Variants in EPHA5 observed in about 807,000 individuals in gnomAD.
EPHA5 encodes ephrin type-A receptor 5.
In EPHA5, 60 loss-of-function variants were observed where a neutral mutation model predicts 105.0. That is an observed-to-expected ratio of 0.57 (90% CI 0.46 to 0.71). The LOEUF (loss-of-function observed/expected upper bound fraction) is 0.71, where lower values mean the gene tolerates loss of function less well. Among genes scored for constraint, EPHA5 ranks in the 30% least tolerant of loss-of-function variants. The pLI, the probability that EPHA5 is intolerant of heterozygous loss-of-function variation, is 0.00. For missense variants in EPHA5, 1,218 were observed against 1,274.7 expected (o/e 0.96, Z 0.68); for synonymous variants, 513 against 449.1 (o/e 1.14, Z -1.80).
chr4:65,408,654 C>A (rs1022578831), intron 7 of EPHA5, among the ~76,000 whole-genome samples: 2 of 152,018 alleles, frequency 1.3e-5, no homozygotes, highest in African/African-American at 4.8e-5. Context: ...CATCTCACAG[C>A]AGTTAGAATG....
intron 3 of EPHA5, among the ~76,000 whole-genome samples, chr4:65,503,163 G>A (rs1732661466): frequency 1.3e-5 from 2 of 151,638 alleles, no homozygotes; most frequent in Non-Finnish European, 3.0e-5. Context: ...GCTAACTGTT[G>A]GGTACTATGT....
intron 5 of EPHA5, among the ~76,000 whole-genome samples, chr4:65,463,541 C>A (rs2149135902): frequency 6.6e-6 from 1 of 152,090 alleles, no homozygotes; most frequent in East Asian, 1.9e-4. Context: ...CCAAAGATAT[C>A]AACAAAGTAA....
intron 5 of EPHA5, among the ~76,000 whole-genome samples, chr4:65,437,637 T>C (rs985781794): frequency 8.6e-5 from 13 of 151,938 alleles, no homozygotes; most frequent in Non-Finnish European, 1.9e-4. Flanking sequence ...AGGATTTTAA[T>C]CATGTTGTTT....
At chr4:65,447,244 G>C (rs748909317) in intron 5 of EPHA5, among the ~76,000 whole-genome samples, 57 of 151,746 alleles carry the variant, frequency 3.8e-4, no homozygotes, top group African/African-American at 4.8e-5. Flanking sequence ...TTAGAATATG[G>C]CAATAGTTTC....
At chr4:65,567,262 T>C (rs1177237028) in intron 3 of EPHA5, among the ~76,000 whole-genome samples, 4 of 151,770 alleles carry the variant, frequency 2.6e-5, no homozygotes, top group African/African-American at 7.2e-5. Context: ...AAAAATGAAC[T>C]TCTTAGTAAA....
At chr4:65,577,715 T>A (rs1242488312) in intron 3 of EPHA5, among the ~76,000 whole-genome samples, 1 of 152,168 alleles carries the variant, frequency 6.6e-6, no homozygotes, top group Non-Finnish European at 1.5e-5. Flanking sequence ...TATTAATGCA[T>A]GCAGAAATGC....
chr4:65,457,632 A>G (rs1011356260), intron 5 of EPHA5, among the ~76,000 whole-genome samples: 1 of 151,800 alleles, frequency 6.6e-6, no homozygotes, highest in Non-Finnish European at 1.5e-5. Flanking sequence ...ATTTCTATAC[A>G]TATTATCTTT....
chr4:65,404,363 T>C lies in EPHA5; in HGVS notation c.1793+11A>G, dbSNP rs1722147950. On this transcript the variant is annotated intron_variant, in intron 8 of 16. Coordinates refer to ENST00000613740, the MANE Select transcript of EPHA5 (RefSeq NM_001281766.3). ...GCTGCAGAACTTCAGAATCACAGCTTCCTCTCTTACCTTCCACTGAGGAGG... is the reference window on the plus strand; with the variant it reads ...GCTGCAGAACTTCAGAATCACAGCTCCCTCTCTTACCTTCCACTGAGGAGG... The C allele has an allele frequency of 6.2e-7, 1 of 1,609,514 alleles. No homozygotes were observed. The highest frequency in any genetic ancestry group is 8.5e-7 in the Non-Finnish European group (1 of 1,176,322).
chr4:65,662,759 T>C (rs1749660899), intron 1 of EPHA5, among the ~76,000 whole-genome samples: 1 of 152,058 alleles, frequency 6.6e-6, no homozygotes, highest in African/African-American at 2.4e-5. Flanking sequence ...TTGAAAACAA[T>C]ACTCAAAACT....
chr4:65,610,785 G>A (rs1744692979), intron 2 of EPHA5, among the ~76,000 whole-genome samples: 1 of 152,062 alleles, frequency 6.6e-6, no homozygotes, highest in African/African-American at 2.4e-5. Flanking sequence ...TGAGTGCCAT[G>A]AGTTATAATT....
intron 11 of EPHA5, among the ~76,000 whole-genome samples, chr4:65,353,631 A>G (rs1005626453): frequency 2.0e-5 from 3 of 151,740 alleles, no homozygotes; most frequent in Non-Finnish European, 2.9e-5. Context: ...TAATGATATA[A>G]TGTATCCAAT....
At chr4:65,410,383 GCAGATGAATGGTTTC>G (rs1722802311) in intron 7 of EPHA5, among the ~76,000 whole-genome samples, 1 of 152,138 alleles carries the variant, frequency 6.6e-6, no homozygotes, top group Non-Finnish European at 1.5e-5. Context: ...TACATAAACA[GCAGATGAATGGTTTC>G]CAGGGCTTAG....
At chr4:65,583,000 T>G (rs1560732391) in intron 3 of EPHA5, among the ~76,000 whole-genome samples, 2 of 151,666 alleles carry the variant, frequency 1.3e-5, no homozygotes, top group African/African-American at 4.8e-5. Context: ...CAAGATTTTT[T>G]TGTTTTTAAT....
intron 2 of EPHA5, among the ~76,000 whole-genome samples, chr4:65,633,348 A>G (rs1746820627): frequency 6.7e-6 from 1 of 149,444 alleles, no homozygotes; most frequent in African/African-American, 2.4e-5. Context: ...CAGGAATTGA[A>G]AACAGCTGAA....
rs762243037 is a variant in EPHA5, at chr4:65,420,547, T to C, written c.1421A>G (p.Asn474Ser). 3.0e-5 allele frequency: 49 copies of C among 1,613,000 alleles called. No individual in the cohort carries two copies. The highest frequency in any genetic ancestry group is 3.7e-5 in the Non-Finnish European group (44 of 1,179,512). ...TNQAAPSPVT[N>S]VKKGKIAKNS... ...TTTTGCAATTTTCCCTTTTTTCACATTGGTGACTGGAGATGGAGCTGCAAA... is the reference window on the plus strand; with the variant it reads ...TTTTGCAATTTTCCCTTTTTTCACACTGGTGACTGGAGATGGAGCTGCAAA... The change falls in exon 6 of 17, where the codon AAT becomes AGT. Residue 474 changes from asparagine (N) to serine (S), a missense_variant. Coordinates refer to ENST00000613740, the MANE Select transcript of EPHA5 (RefSeq NM_001281766.3).
At position 65,331,975 on chromosome 4, in the gene EPHA5, C is replaced by T. The variant is rs200855979; in HGVS notation, c.2943G>A (p.Leu981=). The change falls in exon 16 of 17, where the codon TTG becomes TTA. Residue 981 remains leucine, a splice_region_variant and synonymous_variant. Coordinates refer to ENST00000613740, the MANE Select transcript of EPHA5 (RefSeq NM_001281766.3). The stretch of plus-strand genomic sequence containing the variant: ...AAATTATCAGAAAAATTACTCACTC[C>T]AAGGTCACCTGAGCCACAGCGTCCA... The part of the protein sequence containing the change: ...SSMDAVAQVT[L]EDLRRLGVTL... 3.0e-5 allele frequency: 48 copies of T among 1,595,090 alleles called. No homozygotes were observed. The highest frequency in any genetic ancestry group is 3.7e-5 in the Non-Finnish European group (44 of 1,173,516).
intron 5 of EPHA5, among the ~76,000 whole-genome samples, chr4:65,447,355 C>T (rs970884715): frequency 4.6e-5 from 7 of 151,906 alleles, no homozygotes; most frequent in Non-Finnish European, 8.8e-5. Flanking sequence ...CTATGACAAC[C>T]ATTATAGTTG....
At chr4:65,405,493 T>C (rs184153082) in intron 7 of EPHA5, among the ~76,000 whole-genome samples, 82 of 152,250 alleles carry the variant, frequency 5.4e-4, no homozygotes, top group Admixed American at 9.2e-4. Context: ...ACCAAGAGAT[T>C]TGGATCTCCA....
At chr4:65,388,850 T>G (rs978926888) in intron 8 of EPHA5, among the ~76,000 whole-genome samples, 2 of 151,818 alleles carry the variant, frequency 1.3e-5, no homozygotes, top group African/African-American at 2.4e-5. Context: ...TGGCTTTTGT[T>G]GCCATTGCTT....
Sources: gnomAD v4.1 joint callset for allele counts (sites outside exome capture counted in the v4.1 genomes callset) on GRCh38, gnomAD v4.1.1 for gene constraint, MANE v1.5 for transcripts, NCBI Gene and HGNC (gene_info 2026-07-23, HGNC 2026-07-21) for gene names.